Variants in EPHA7 observed in about 807,000 individuals in gnomAD.
EPHA7 encodes ephrin type-A receptor 7.
Under a neutral mutation model 112.6 loss-of-function variants are expected in EPHA7, and 25 were observed. That is an observed-to-expected ratio of 0.22 (90% CI 0.16 to 0.31). The LOEUF is 0.31. Among genes scored for constraint, EPHA7 ranks in the 10% least tolerant of loss-of-function variants. The pLI is 1.00. For missense variants in EPHA7, 962 were observed against 1,212.6 expected, an observed-to-expected ratio of 0.79 and a Z score of 3.07; for synonymous variants, 437 against 406.5, an observed-to-expected ratio of 1.07 and a Z score of -0.90.
chr6:93,354,306 T>C (rs962896473), intron 5 of EPHA7, among the ~76,000 whole-genome samples: 1 of 152,010 alleles, frequency 6.6e-6, no homozygotes, highest in Non-Finnish European at 1.5e-5. Context: ...CACTAACACA[T>C]TCCAAATTTT....
intron 4 of EPHA7, among the ~76,000 whole-genome samples, 179 bp from the exon 5 acceptor site, chr6:93,357,231 T>A (rs948627656): frequency 2.0e-5 from 3 of 152,192 alleles, no homozygotes; most frequent in African/African-American, 7.2e-5. Context: ...AGAAGCTGTA[T>A]AAAAGCCTCC....
intron 7 of EPHA7, among the ~76,000 whole-genome samples, chr6:93,268,131 C>T (rs1311157294): frequency 1.3e-5 from 2 of 151,670 alleles, no homozygotes; most frequent in South Asian, 2.1e-4. Context: ...CTTATATAAT[C>T]TATTTAAAAA....
intron 1 of EPHA7, 106 bp from the exon 2 acceptor site, chr6:93,414,873 G>T: frequency 1.2e-6 from 1 of 826,216 alleles, no homozygotes; most frequent in Non-Finnish European, 1.9e-6. Flanking sequence ...TATGACTTAA[G>T]ATCTGTAGTT....
intron 3 of EPHA7, among the ~76,000 whole-genome samples, chr6:93,377,756 T>C (rs990014183): frequency 6.6e-6 from 1 of 152,172 alleles, no homozygotes; most frequent in African/African-American, 2.4e-5. Flanking sequence ...TCAATTCCTG[T>C]TTGTTATTCT....
chr6:93,282,501 C>T (rs550925560), intron 5 of EPHA7, among the ~76,000 whole-genome samples: 1 of 152,384 alleles, frequency 6.6e-6, no homozygotes, highest in African/African-American at 2.4e-5. Context: ...CCTCGCAGCC[C>T]TCACTCACTC....
At chr6:93,331,085 A>G (rs1774569761) in intron 5 of EPHA7, among the ~76,000 whole-genome samples, 1 of 151,494 alleles carries the variant, frequency 6.6e-6, no homozygotes, top group Admixed American at 6.6e-5. Context: ...GGCTATTTGG[A>G]GAAAAGTATT....
At chr6:93,406,735 C>T (rs1367308589) in intron 3 of EPHA7, among the ~76,000 whole-genome samples, 3 of 151,856 alleles carry the variant, frequency 2.0e-5, no homozygotes, top group Non-Finnish European at 2.9e-5. Context: ...TCCAGATCCA[C>T]ACTTTGACAA....
chr6:93,407,410 A>G (rs1388892014), intron 3 of EPHA7, among the ~76,000 whole-genome samples: 3 of 152,048 alleles, frequency 2.0e-5, no homozygotes, highest in Non-Finnish European at 4.4e-5. Context: ...GAGTGATTCC[A>G]GAGGCAAGTA....
At chr6:93,315,083 C>G (rs1002912874) in intron 5 of EPHA7, among the ~76,000 whole-genome samples, 4 of 147,514 alleles carry the variant, frequency 2.7e-5, no homozygotes, top group African/African-American at 5.1e-5. Context: ...AGGATGGTCT[C>G]GATCTCCTGA....
At chr6:93,406,045 T>C (rs542582745) in intron 3 of EPHA7, among the ~76,000 whole-genome samples, 15 of 150,582 alleles carry the variant, frequency 1.0e-4, no homozygotes, top group South Asian at 4.2e-4. Flanking sequence ...ATAAATTATA[T>C]ATTATTAAAA....
chr6:93,389,931 T>A (rs1193995098), intron 3 of EPHA7, among the ~76,000 whole-genome samples: 1 of 151,922 alleles, frequency 6.6e-6, no homozygotes, highest in Non-Finnish European at 1.5e-5. Context: ...CCAGTTGACA[T>A]CTTAATGATA....
intron 3 of EPHA7, among the ~76,000 whole-genome samples, chr6:93,396,943 A>G (rs1450609767): frequency 6.6e-6 from 1 of 151,762 alleles, no homozygotes; most frequent in Admixed American, 6.6e-5. Flanking sequence ...ATGATTCTGA[A>G]ATAGAATCTA....
At chr6:93,400,890 G>T (rs1379156367) in intron 3 of EPHA7, among the ~76,000 whole-genome samples, 2 of 152,010 alleles carry the variant, frequency 1.3e-5, no homozygotes, top group African/African-American at 2.4e-5. Flanking sequence ...ATAGATTTTT[G>T]AATCATTCAA....
intron 5 of EPHA7, among the ~76,000 whole-genome samples, chr6:93,308,110 C>G (rs184518713): frequency 1.5e-4 from 23 of 152,272 alleles, no homozygotes; most frequent in Admixed American, 1.4e-3. Flanking sequence ...ACTGTCCAAA[C>G]AGAAAGCATA....
At chr6:93,275,462 A>G (rs1771426224) in intron 5 of EPHA7, among the ~76,000 whole-genome samples, 1 of 151,976 alleles carries the variant, frequency 6.6e-6, no homozygotes, top group East Asian at 1.9e-4. Flanking sequence ...TCAACTGAAA[A>G]AACAGATGGA....
Position 93,410,580 on chromosome 6 carries a change from A to G in EPHA7, c.753T>C (p.Ser251=). The part of the protein sequence containing the change: ...EAENAPRMHC[S]AEGEWLVPIG... ...TGGGCACTAACCATTCTCCTTCTGC[A>G]CTGCAGTGCATCCTGGGGGCGTTTT... The change falls in exon 3 of 17, where the codon AGT becomes AGC. Residue 251 remains serine (S), a synonymous_variant. Coordinates refer to ENST00000369303, the MANE Select transcript of EPHA7 (RefSeq NM_004440.4). The surrounding 1 kb of genome is among the most constrained non-coding windows in gnomAD (Gnocchi z 4.0). 1 of 1,614,020 alleles carries G rather than the reference A, an allele frequency of 6.2e-7. No individual in the cohort carries two copies. The highest frequency in any genetic ancestry group is 8.5e-7 in the Non-Finnish European group (1 of 1,179,954).
rs660217 is a variant in EPHA7 at position 93,410,032 on chromosome 6, A to G, written c.832+469T>C. 0.55 allele frequency: 84,455 copies of G among 152,690 alleles called. 24,522 individuals are homozygous for G. Among genetic ancestry groups the G allele is most frequent in the African/African-American group, 0.72 (29,869 of 41,418 alleles). 9.5% of individuals were successfully genotyped at this position (152,690 alleles called of 1,614,324 possible). A position where few individuals can be genotyped will look rare whatever the true frequency, so the allele number is the denominator to read the frequency against. On this transcript the variant is annotated intron_variant, in intron 3 of 16. Coordinates refer to ENST00000369303, the MANE Select transcript of EPHA7 (RefSeq NM_004440.4). The surrounding 1 kb of genome is among the most constrained non-coding windows in gnomAD (Gnocchi z 4.0). ...AAGATAATTCTAAAAGTTTGTAAAT[A>G]TATTCGTTTATGCCCTGCCTGTCAC...
intron 5 of EPHA7, among the ~76,000 whole-genome samples, chr6:93,289,501 G>T (rs9452289): frequency 0.44 from 67,350 of 151,616 alleles, 15,801 homozygotes; most frequent in South Asian, 0.7. Flanking sequence ...GCGAGCACCT[G>T]TAGTCCCAGC....
intron 5 of EPHA7, among the ~76,000 whole-genome samples, chr6:93,282,744 C>G (rs1385777551): frequency 6.6e-6 from 1 of 152,130 alleles, no homozygotes; most frequent in South Asian, 2.1e-4. Flanking sequence ...CACTCAGAGC[C>G]GCGGGACCTG....
Sources: allele counts gnomAD v4.1 joint callset (sites outside exome capture counted in the v4.1 genomes callset), GRCh38; gene constraint gnomAD v4.1.1; non-coding constraint Gnocchi (gnomAD v3.1); transcripts MANE v1.5; gene names NCBI Gene and HGNC (gene_info 2026-07-23, HGNC 2026-07-21).